The following C13orf42 variants were observed in gnomAD, a reference collection of about 807,000 sequenced individuals.
C13orf42 encodes chromosome 13 open reading frame 42, also known as uncharacterized protein C13orf42.
chr13:51,121,221 C>A (rs1953532805), intron 1 of C13orf42, among the ~76,000 whole-genome samples: 1 of 152,006 alleles, frequency 6.6e-6, no homozygotes. Context: ...AGATCAGAGC[C>A]CAGAGACCTA....
intron 2 of C13orf42, among the ~76,000 whole-genome samples, chr13:51,087,478 T>A (rs1953140539): frequency 6.6e-6 from 1 of 152,218 alleles, no homozygotes; most frequent in Admixed American, 6.5e-5. Flanking sequence ...TCAGTCATGT[T>A]CAGTATATTC....
intron 1 of C13orf42, among the ~76,000 whole-genome samples, chr13:51,153,630 CTTTTTTTTTTTT>C (rs1206289963): frequency 9.9e-5 from 8 of 81,204 alleles, no homozygotes; most frequent in Admixed American, 3.1e-4. Context: ...TGTTTTTTTT[CTTTTTTTTTTTT>C]TTTTTTTTTT....
chr13:51,112,320 T>C (rs1022221478), upstream of C13orf42, among the ~76,000 whole-genome samples: 3 of 152,162 alleles, frequency 2.0e-5, no homozygotes, highest in Non-Finnish European at 4.4e-5. Context: ...ATGAATGTAT[T>C]AGCATGGTTT....
chr13:51,166,881 C>A (rs571277957), intron 1 of C13orf42, among the ~76,000 whole-genome samples: 2 of 152,212 alleles, frequency 1.3e-5, no homozygotes, highest in Admixed American at 1.3e-4. Flanking sequence ...GAGTTCAAGA[C>A]CAGCCTGGCC....
chr13:51,099,233 T>C (rs1255928539), intron 1 of C13orf42, among the ~76,000 whole-genome samples: 2 of 152,180 alleles, frequency 1.3e-5, no homozygotes, highest in African/African-American at 4.8e-5. Flanking sequence ...TGCTCATAAT[T>C]GAACAGGGTT....
chr13:51,090,607 A>G (rs144476554), intron 1 of C13orf42, among the ~76,000 whole-genome samples: 1 of 152,164 alleles, frequency 6.6e-6, no homozygotes, highest in Non-Finnish European at 1.5e-5. Flanking sequence ...TGTGTTCATC[A>G]TATTATTTTT....
chr13:51,092,690 G>A (rs1433161268), intron 1 of C13orf42, among the ~76,000 whole-genome samples: 2 of 151,806 alleles, frequency 1.3e-5, no homozygotes, highest in Non-Finnish European at 2.9e-5. Flanking sequence ...TAAATTATAA[G>A]AAGTCCAAAT....
At chr13:51,115,668 G>A (rs150749917), upstream of C13orf42, among the ~76,000 whole-genome samples, 1,537 of 152,308 alleles carry the variant, frequency 0.01, 12 homozygotes, top group Middle Eastern at 0.02. Flanking sequence ...GGGAGGTGGG[G>A]GTGATGGGGA....
At chr13:51,129,880 T>C (rs1953603414) in intron 1 of C13orf42, among the ~76,000 whole-genome samples, 1 of 152,278 alleles carries the variant, frequency 6.6e-6, no homozygotes, top group South Asian at 2.1e-4. Flanking sequence ...TGCAGATGCA[T>C]GAAAAAAATA....
At chr13:51,166,950 G>A (rs551385808) in intron 1 of C13orf42, among the ~76,000 whole-genome samples, 10 of 151,846 alleles carry the variant, frequency 6.6e-5, no homozygotes, top group Non-Finnish European at 1.5e-4. Flanking sequence ...GTGGTGGTGC[G>A]CACCTATAGT....
At chr13:51,105,226 C>T (rs756368627) in intron 1 of C13orf42, among the ~76,000 whole-genome samples, 1 of 152,192 alleles carries the variant, frequency 6.6e-6, no homozygotes, top group Non-Finnish European at 1.5e-5. Flanking sequence ...AATCCATAGT[C>T]TCTCACTAAG....
upstream of C13orf42, among the ~76,000 whole-genome samples, chr13:51,114,653 GACAGACAGACAGAC>G (rs1566130402): frequency 5.2e-3 from 440 of 85,016 alleles, 1 homozygote; most frequent in East Asian, 6.7e-3. Context: ...GATAGAGATA[GACAGACAGACAGAC>G]AGACAGACAG....
At chr13:51,084,619 CAA>C (rs1031069164) in intron 3 of C13orf42, among the ~76,000 whole-genome samples, 2 of 152,186 alleles carry the variant, frequency 1.3e-5, no homozygotes, top group African/African-American at 4.8e-5. Context: ...CCCCTAAATC[CAA>C]CAGGGTTTAG....
intron 1 of C13orf42, among the ~76,000 whole-genome samples, chr13:51,133,650 GC>G (rs1317769623): frequency 6.6e-6 from 1 of 152,160 alleles, no homozygotes; most frequent in Non-Finnish European, 1.5e-5. Flanking sequence ...GCCCCAATGG[GC>G]CCCAGGAAAG....
chr13:51,114,651 T>G (rs4942952), upstream of C13orf42, among the ~76,000 whole-genome samples: 14,665 of 142,476 alleles, frequency 0.1, 919 homozygotes, highest in Non-Finnish European at 0.12. Context: ...TAGATAGAGA[T>G]AGACAGACAG....
intron 1 of C13orf42, among the ~76,000 whole-genome samples, chr13:51,101,579 AAC>A (rs1427964257): frequency 6.6e-6 from 1 of 152,236 alleles, no homozygotes; most frequent in African/African-American, 2.4e-5. Flanking sequence ...CAAAGTTTAT[AAC>A]AGTTTTCTTC....
At chr13:51,116,569 G>T (rs1953494185) in intron 1 of C13orf42, among the ~76,000 whole-genome samples, 1 of 152,222 alleles carries the variant, frequency 6.6e-6, no homozygotes, top group African/African-American at 2.4e-5. Context: ...GGTGACCCTG[G>T]CTGGTTAAAA....
chr13:51,165,525 C>T (rs999761802), intron 1 of C13orf42, among the ~76,000 whole-genome samples: 2 of 146,698 alleles, frequency 1.4e-5, no homozygotes, highest in Non-Finnish European at 3.1e-5. Flanking sequence ...GAAGAAGAGC[C>T]GGAGCAAGTA....
chr13:51,149,984 A>G (rs1953766997), intron 1 of C13orf42, among the ~76,000 whole-genome samples: 1 of 152,206 alleles, frequency 6.6e-6, no homozygotes, highest in African/African-American at 2.4e-5. Context: ...TCATCTTAGA[A>G]CTTTGCATGG....
Sources: allele counts gnomAD v4.1 joint callset (sites outside exome capture counted in the v4.1 genomes callset), GRCh38; gene constraint gnomAD v4.1.1; transcripts MANE v1.5; gene names NCBI Gene and HGNC (gene_info 2026-07-23, HGNC 2026-07-21).